Variants in SLC15A4 observed in about 807,000 individuals in gnomAD.
The protein encoded by SLC15A4 is hPHT1.
SLC15A4 carries 26 observed loss-of-function variants against 46.1 expected under a neutral mutation model. The ratio of observed to expected loss-of-function variants is 0.56; its 90% CI spans 0.41 to 0.78. The LOEUF is 0.78. Among genes scored for constraint, SLC15A4 ranks in the 30% least tolerant of loss-of-function variants. The pLI is 0.00. For missense variants in SLC15A4, 751 were observed against 755.7 expected, an observed-to-expected ratio of 0.99 and a Z score of 0.07; for synonymous variants, 370 against 333.4, an observed-to-expected ratio of 1.11 and a Z score of -1.20.
chr12:128,810,116 G>A lies in SLC15A4; in HGVS notation c.843-5C>T, dbSNP rs200365341. On this transcript the variant is annotated splice_region_variant and splice_polypyrimidine_tract_variant and intron_variant, in intron 2 of 7. Transcript: ENST00000266771. Reference sequence around the variant, plus strand: ...TGAAAGACTCCAATGCCTTCACTTTGGGAAATAAAATGAAGGAATTAGTTT... The same window carrying A: ...TGAAAGACTCCAATGCCTTCACTTTAGGAAATAAAATGAAGGAATTAGTTT... 6.2e-7 allele frequency: 1 copy of A among 1,608,646 alleles called. No homozygotes were observed. The highest frequency in any genetic ancestry group is 1.3e-5 in the African/African-American group (1 of 74,796).
At chr12:128,808,525 A>T (rs1955615645) in intron 5 of SLC15A4, among the ~76,000 whole-genome samples, 1 of 152,186 alleles carries the variant, frequency 6.6e-6, no homozygotes, top group Non-Finnish European at 1.5e-5. Flanking sequence ...GGTAGAGAAA[A>T]ACCTCCCTTT....
intron 6 of SLC15A4, among the ~76,000 whole-genome samples, chr12:128,800,533 A>G (rs1454826439): frequency 6.6e-6 from 1 of 152,258 alleles, no homozygotes; most frequent in Non-Finnish European, 1.5e-5. Context: ...AGCTCAGCCC[A>G]GCCACCACGG....
In SLC15A4 at chr12:128,808,974, A is replaced by T. The variant is rs200323625; in HGVS notation, c.1090-18T>A. ...GCAGGGAGCTGGGGTGAAACACAGG[A>T]GGAGGCGTTTACTCCCCGCAATACA... is the stretch of plus-strand genomic sequence containing the variant. On this transcript the variant is annotated intron_variant, in intron 4 of 7. Transcript: ENST00000266771. The T allele has an allele frequency of 2.2e-4, 360 of 1,607,044 alleles. No homozygotes were observed. The African/African-American group carries it at 4.2e-3, about 19-fold the overall frequency.
chr12:128,814,635 G>T, intron 2 of SLC15A4, 140 bp downstream of exon 2: 1 of 836,806 alleles, frequency 1.2e-6, no homozygotes, highest in Non-Finnish European at 1.9e-6. Context: ...GGGAAATGCA[G>T]TGTTAAAGGA....
At chr12:128,813,164 T>C (rs941737071) in intron 2 of SLC15A4, 3 of 151,706 alleles carry the variant, frequency 2.0e-5, no homozygotes, top group African/African-American at 7.3e-5. Flanking sequence ...AAAAGACTAG[T>C]GTCAGCTAAG....
chr12:128,797,534 A>T (rs1365706788), intron 7 of SLC15A4, among the ~76,000 whole-genome samples: 2 of 152,234 alleles, frequency 1.3e-5, no homozygotes, highest in Non-Finnish European at 2.9e-5. Context: ...CTTAAATAAC[A>T]CTAATAAAAG....
chr12:128,809,691 G>C, intron 3 of SLC15A4: 1 of 543,790 alleles, frequency 1.8e-6, no homozygotes, highest in East Asian at 3.0e-5. Context: ...ATCCAAAGGA[G>C]AAATTACATT....
Position 128,823,734 on chromosome 12 carries a change from C to T in SLC15A4, c.210G>A (p.Glu70=). ...GCAGCGCCTCGCTGGCCTGCGCGCCCTCCCAGCAGAACGGCGCCCCGTTCA... is the reference window on the plus strand; with the variant it reads ...GCAGCGCCTCGCTGGCCTGCGCGCCTTCCCAGCAGAACGGCGCCCCGTTCA... The part of the protein sequence containing the change: ...LFLNGAPFCW[E]GAQASEALLL... The change falls in exon 1 of 8, where the codon GAG becomes GAA. Residue 70 remains glutamate, a synonymous_variant. Coordinates refer to ENST00000266771, the MANE Select transcript of SLC15A4 (RefSeq NM_145648.4). 2 of 1,540,706 alleles carry T rather than the reference C, an allele frequency of 1.3e-6. No individual in the cohort carries two copies. The highest frequency in any genetic ancestry group is 1.7e-6 in the Non-Finnish European group (2 of 1,152,536).
At chr12:128,800,346 T>C (rs779885293) in intron 6 of SLC15A4, among the ~76,000 whole-genome samples, 5 of 152,196 alleles carry the variant, frequency 3.3e-5, no homozygotes, top group Non-Finnish European at 7.3e-5. Flanking sequence ...CACCTCTGCA[T>C]ATCACTCATC....
chr12:128,823,400 G>C lies in SLC15A4; in HGVS notation c.544C>G (p.Gln182Glu). 7.0e-7 allele frequency: 1 copy of C among 1,430,856 alleles called. No individual in the cohort carries two copies. Among genetic ancestry groups the C allele is most frequent in the Non-Finnish European group, 9.1e-7 (1 of 1,098,862 alleles). 88.6% of individuals were successfully genotyped at this position (1,430,856 alleles called of 1,614,324 possible). A position where few individuals can be genotyped will look rare whatever the true frequency, so the allele number is the denominator to read the frequency against. Residue 182 changes from glutamine (Q) to glutamate (E), a missense_variant and splice_region_variant, in exon 1 of 8, where the codon CAG (glutamine) becomes GAG (glutamate). Coordinates refer to ENST00000266771, the MANE Select transcript of SLC15A4 (RefSeq NM_145648.4). ...KANITPFGAD[Q>E]VKDRGPEATR... ...CAGCGCGCGGGGGCGCGGCTCACCT[G>C]GTCGGCGCCGAAGGGCGTGATGTTG... is the stretch of plus-strand genomic sequence containing the variant.
chr12:128,801,952 T>A (rs537040635), intron 5 of SLC15A4, among the ~76,000 whole-genome samples: 1 of 152,342 alleles, frequency 6.6e-6, no homozygotes, highest in East Asian at 1.9e-4. Context: ...CATAGGGCGA[T>A]GAGAACACAA....
At chr12:128,822,640 C>T (rs1311173780) in intron 1 of SLC15A4, among the ~76,000 whole-genome samples, 1 of 152,156 alleles carries the variant, frequency 6.6e-6, no homozygotes, top group Non-Finnish European at 1.5e-5. Context: ...GCACCTCTGC[C>T]TCCCGGGTGC....
In SLC15A4 at chr12:128,793,330, G is replaced by A. The variant is rs1001444934; in HGVS notation, c.*866C>T. 1 of 152,210 alleles carries A rather than the reference G, an allele frequency of 6.6e-6. No homozygotes were observed. Among genetic ancestry groups the A allele is most frequent in the African/African-American group, 2.4e-5 (1 of 41,450 alleles). 9.4% of individuals were successfully genotyped at this position (152,210 alleles called of 1,614,324 possible). A position where few individuals can be genotyped will look rare whatever the true frequency, so the allele number is the denominator to read the frequency against. The stretch of plus-strand genomic sequence containing the variant: ...ATACAAAAATGTGACTGGTCAAACA[G>A]CTCAAGTTCACATTTAACACTTTCA... On this transcript the variant is annotated 3_prime_UTR_variant, in exon 8 of 8. Coordinates refer to ENST00000266771, the MANE Select transcript of SLC15A4 (RefSeq NM_145648.4).
intron 5 of SLC15A4, among the ~76,000 whole-genome samples, chr12:128,805,179 G>C (rs938601826): frequency 6.6e-6 from 1 of 152,172 alleles, no homozygotes; most frequent in African/African-American, 2.4e-5. Context: ...ATTCATGCTG[G>C]CTAGATGTTT....
At position 128,823,703 on chromosome 12, in the gene SLC15A4, A is replaced by G. The variant is rs764540857; in HGVS notation, c.241T>C (p.Phe81Leu). ...GAGCCCAGGTAGGTGAGGCCCATGA[A>G]GAGCAGCAGCGCCTCGCTGGCCTGC... ...GAQASEALLL[F>L]MGLTYLGSPF... The change falls in exon 1 of 8, where the codon TTC becomes CTC. Residue 81 changes from phenylalanine (F) to leucine (L), a missense_variant. Transcript: ENST00000266771. 116 of 1,527,896 alleles carry G rather than the reference A, an allele frequency of 7.6e-5. No individual in the cohort carries two copies. The highest frequency in any genetic ancestry group is 9.8e-5 in the Non-Finnish European group (112 of 1,145,882). 94.6% of individuals were successfully genotyped at this position (1,527,896 alleles called of 1,614,324 possible).
chr12:128,807,247 T>C (rs1955600658), intron 5 of SLC15A4, among the ~76,000 whole-genome samples: 1 of 152,008 alleles, frequency 6.6e-6, no homozygotes, highest in Non-Finnish European at 1.5e-5. Flanking sequence ...AATGGGGAAA[T>C]CTCAACAGTG....
chr12:128,811,027 T>G (rs1354741132), intron 2 of SLC15A4, among the ~76,000 whole-genome samples: 1 of 152,220 alleles, frequency 6.6e-6, no homozygotes, highest in Non-Finnish European at 1.5e-5. Flanking sequence ...CCCCAGCTCT[T>G]GTACTAACGA....
intron 4 of SLC15A4, 88 bp from the exon 5 acceptor site, chr12:128,809,044 C>T (rs150107216): frequency 2.4e-6 from 3 of 1,265,332 alleles, no homozygotes; most frequent in African/African-American, 3.0e-5. Context: ...GGGAGAAATG[C>T]ACGTAAAGAA....
At chr12:128,808,658 G>T in intron 5 of SLC15A4, 130 bp downstream of exon 5, 1 of 806,576 alleles carries the variant, frequency 1.2e-6, no homozygotes, top group Non-Finnish European at 2.0e-6. Flanking sequence ...TAAAATAACT[G>T]ATACACATCC....
Sources: gnomAD v4.1 joint callset for allele counts (sites outside exome capture counted in the v4.1 genomes callset) on GRCh38, gnomAD v4.1.1 for gene constraint, MANE v1.5 for transcripts, NCBI Gene and HGNC (gene_info 2026-07-23, HGNC 2026-07-21) for gene names.